MYO3B: variants seen among roughly 807,000 people sequenced by gnomAD.
MYO3B encodes myosin IIIB.
MYO3B carries 156 observed loss-of-function variants against 174.6 expected under a neutral mutation model. The ratio of observed to expected loss-of-function variants is 0.89; its 90% CI spans 0.78 to 1.02. MYO3B has a LOEUF of 1.02. Ranked by LOEUF, MYO3B falls within the 50% of genes least tolerant of loss-of-function variation. The probability of loss-of-function intolerance (pLI) is 0.00; values close to 1 mark genes in which losing one functional copy is unlikely to be tolerated. For synonymous variants in MYO3B, 563 were observed against 569.1 expected, an observed-to-expected ratio of 0.99 and a Z score of 0.15; for missense variants, 1,632 against 1,639.4, an observed-to-expected ratio of 1.00 and a Z score of 0.08.
intron 32 of MYO3B, among the ~76,000 whole-genome samples, chr2:170,611,031 G>T (rs1373095221): frequency 6.6e-6 from 1 of 152,058 alleles, no homozygotes; most frequent in Non-Finnish European, 1.5e-5. Flanking sequence ...TGTTCTTTTC[G>T]GGAAGCAAGA....
chr2:170,416,499 G>A (rs2094579458), intron 22 of MYO3B, among the ~76,000 whole-genome samples: 1 of 147,490 alleles, frequency 6.8e-6, no homozygotes, highest in South Asian at 2.2e-4. Context: ...CTCCAGCCTG[G>A]GCAACAGAGC....
chr2:170,624,943 T>C (rs189687693), intron 32 of MYO3B, among the ~76,000 whole-genome samples: 1 of 152,186 alleles, frequency 6.6e-6, no homozygotes, highest in African/African-American at 2.4e-5. Flanking sequence ...ATAAGCTTTT[T>C]GATGTGCTGC....
chr2:170,633,335 T>TAATCCATCATA (rs1241222621), intron 32 of MYO3B, among the ~76,000 whole-genome samples: 1 of 152,222 alleles, frequency 6.6e-6, no homozygotes, highest in African/African-American at 2.4e-5. Context: ...TCAATAAACT[T>TAATCCATCATA]AATCCATCAT....
chr2:170,563,097 TTC>T lies in MYO3B; in HGVS notation c.3733+19124_3733+19125del, dbSNP rs372040060. 2.1e-3 allele frequency among the ~76,000 whole-genome samples: 208 copies of T among 100,258 alleles called. 1 individual carries two copies. The highest frequency in any genetic ancestry group is 5.8e-3 in the African/African-American group (156 of 26,896). 65.8% of individuals were successfully genotyped at this position (100,258 alleles called of 152,430 possible). ...CACACACTACACACACATACACTCT[TTC>T]TCTCTCTCTCTCTCACACATACACA... is the stretch of plus-strand genomic sequence containing the variant. On this transcript the variant is annotated intron_variant, in intron 32 of 34. Coordinates refer to ENST00000408978, the MANE Select transcript of MYO3B (RefSeq NM_138995.5).
intron 32 of MYO3B, among the ~76,000 whole-genome samples, chr2:170,624,602 G>A (rs181585571): frequency 2.0e-5 from 3 of 152,266 alleles, no homozygotes; most frequent in Non-Finnish European, 4.4e-5. Context: ...CCAACACTAT[G>A]TTGGATAGGA....
intron 7 of MYO3B, among the ~76,000 whole-genome samples, chr2:170,294,255 C>A (rs1253821836): frequency 2.0e-5 from 3 of 151,656 alleles, no homozygotes; most frequent in African/African-American, 7.3e-5. Flanking sequence ...CTTGCTGTTT[C>A]TCTACCACCA....
At chr2:170,535,684 G>A (rs890770829) in intron 30 of MYO3B, among the ~76,000 whole-genome samples, 18 of 152,160 alleles carry the variant, frequency 1.2e-4, no homozygotes, top group Admixed American at 2.6e-4. Context: ...AACACTGGGG[G>A]ACCTCTGCTG....
intron 16 of MYO3B, among the ~76,000 whole-genome samples, chr2:170,397,735 A>C (rs1558959681): frequency 6.6e-6 from 1 of 152,216 alleles, no homozygotes; most frequent in East Asian, 1.9e-4. Context: ...TTAGCATCAG[A>C]TCCCACAAGC....
intron 32 of MYO3B, among the ~76,000 whole-genome samples, chr2:170,627,630 A>G (rs1163728617): frequency 2.6e-5 from 4 of 152,116 alleles, no homozygotes; most frequent in African/African-American, 9.7e-5. Flanking sequence ...AGGCGCTCTG[A>G]TTTTTAGAAT....
intron 6 of MYO3B, among the ~76,000 whole-genome samples, chr2:170,234,922 C>T (rs7588868): frequency 0.55 from 83,061 of 151,986 alleles, 22,990 homozygotes; most frequent in Middle Eastern, 0.64. Context: ...GTTTCTTCTC[C>T]TCATAATCTA....
intron 22 of MYO3B, among the ~76,000 whole-genome samples, chr2:170,422,978 T>C (rs935165056): frequency 3.5e-5 from 1 of 28,416 alleles, no homozygotes; most frequent in Non-Finnish European, 6.1e-5. Flanking sequence ...TCTTTCTTTC[T>C]TTTTTTTTTT....
intron 25 of MYO3B, among the ~76,000 whole-genome samples, chr2:170,493,681 T>C (rs73025042): frequency 0.063 from 9,646 of 152,264 alleles, 951 homozygotes; most frequent in African/African-American, 0.21. Flanking sequence ...GCGTATGTCA[T>C]TTCTAAGCCT....
chr2:170,452,206 A>G (rs1458155089), intron 23 of MYO3B, among the ~76,000 whole-genome samples: 1 of 152,208 alleles, frequency 6.6e-6, no homozygotes, highest in Non-Finnish European at 1.5e-5. Flanking sequence ...TAAAAAAAAA[A>G]AGGTTCAGGT....
At chr2:170,483,689 GATA>G (rs1365309251) in intron 25 of MYO3B, among the ~76,000 whole-genome samples, 3 of 152,254 alleles carry the variant, frequency 2.0e-5, no homozygotes, top group African/African-American at 7.2e-5. Flanking sequence ...ACTTATGTTA[GATA>G]ATAACAATGA....
chr2:170,293,169 T>G (rs2093607120), intron 7 of MYO3B, among the ~76,000 whole-genome samples: 1 of 152,142 alleles, frequency 6.6e-6, no homozygotes, highest in Non-Finnish European at 1.5e-5. Flanking sequence ...GTGAAAATCT[T>G]GGCACTGTAT....
chr2:170,224,019 T>A (rs1333145164), intron 6 of MYO3B, among the ~76,000 whole-genome samples: 2 of 152,110 alleles, frequency 1.3e-5, no homozygotes, highest in African/African-American at 2.4e-5. Flanking sequence ...GACCTGATGA[T>A]CCAGTAACTA....
intron 32 of MYO3B, among the ~76,000 whole-genome samples, chr2:170,590,337 A>G (rs1475128278): frequency 6.6e-6 from 1 of 152,168 alleles, no homozygotes; most frequent in Admixed American, 6.5e-5. Context: ...TTTTCTCCTT[A>G]TAGTACAAGA....
At chr2:170,302,532 T>C (rs1440122900) in intron 7 of MYO3B, among the ~76,000 whole-genome samples, 8 of 152,198 alleles carry the variant, frequency 5.3e-5, no homozygotes, top group African/African-American at 1.9e-4. Flanking sequence ...AGAGCAGTGG[T>C]TCCCAAACTT....
chr2:170,248,646 C>G (rs374845511), intron 7 of MYO3B, among the ~76,000 whole-genome samples: 1 of 152,162 alleles, frequency 6.6e-6, no homozygotes. Flanking sequence ...ATCTTAAAAG[C>G]CACCAGTGGC....
Sources: gnomAD v4.1 joint callset for allele counts (sites outside exome capture counted in the v4.1 genomes callset) on GRCh38, gnomAD v4.1.1 for gene constraint, MANE v1.5 for transcripts, NCBI Gene and HGNC (gene_info 2026-07-23, HGNC 2026-07-21) for gene names.